Variants in ORC4 observed in about 807,000 individuals in gnomAD.
ORC4 encodes the protein origin recognition complex subunit 4, also known as origin recognition complex, subunit 4 homolog.
A neutral mutation model predicts 63.9 loss-of-function variants in ORC4; 55 were observed. The ratio of observed to expected loss-of-function variants is 0.86; its 90% CI spans 0.69 to 1.08. The LOEUF (loss-of-function observed/expected upper bound fraction) is 1.08, where lower values mean the gene tolerates loss of function less well. Ranked by LOEUF, ORC4 falls within the 50% of genes least tolerant of loss-of-function variation. The pLI, the probability that ORC4 is intolerant of heterozygous loss-of-function variation, is 0.00. For missense variants in ORC4, 511 were observed against 504.4 expected (o/e 1.01, Z -0.13); for synonymous variants, 150 against 168.5 (o/e 0.89, Z 0.85).
chr2:147,935,569 AT>A lies in ORC4; in HGVS notation c.1251del (p.Lys417AsnfsTer9). The A allele has an allele frequency of 6.2e-7, 1 of 1,613,912 alleles. No individual in the cohort carries two copies. Among genetic ancestry groups the A allele is most frequent in the East Asian group, 2.2e-5 (1 of 44,848 alleles). ...CTCACATCTGTAGGACAGTTGGGAT[AT>A]TTCTGCAGAGCATTCATAATTTGAG... ...DNTQIMNALQ[K>X]YPNCPTDVRQ... On this transcript the variant is annotated frameshift_variant, in exon 14 of 14. Coordinates refer to ENST00000392857, the MANE Select transcript of ORC4 (RefSeq NM_181741.4). LOFTEE classifies it high-confidence loss of function.
At chr2:147,954,405 C>A (rs1689133663) in intron 7 of ORC4, among the ~76,000 whole-genome samples, 1 of 152,136 alleles carries the variant, frequency 6.6e-6, no homozygotes, top group Non-Finnish European at 1.5e-5. Flanking sequence ...CTACTAGACA[C>A]CTAGGCTATA....
chr2:148,014,505 A>T (rs1035494316), intron 1 of ORC4, among the ~76,000 whole-genome samples: 1 of 152,198 alleles, frequency 6.6e-6, no homozygotes, highest in South Asian at 2.1e-4. Flanking sequence ...TTTTTTAAAT[A>T]CAACTGGTAC....
chr2:147,957,395 G>A (rs1689324484), intron 6 of ORC4, among the ~76,000 whole-genome samples: 1 of 151,782 alleles, frequency 6.6e-6, no homozygotes. Context: ...CGATGCCACC[G>A]CATGGTCACC....
chr2:147,980,696 C>CA (rs942343690), intron 1 of ORC4, among the ~76,000 whole-genome samples: 2 of 151,700 alleles, frequency 1.3e-5, no homozygotes, highest in African/African-American at 2.4e-5. Context: ...AGGCTATTGT[C>CA]AAAAAAAGGC....
At chr2:147,944,008 G>A (rs1040947152) in intron 9 of ORC4, among the ~76,000 whole-genome samples, 11 of 152,112 alleles carry the variant, frequency 7.2e-5, no homozygotes, top group Admixed American at 2.0e-4. Context: ...GAGTAGTCAC[G>A]TACTGGAGTT....
At chr2:147,991,019 C>T (rs1004824781) in intron 1 of ORC4, among the ~76,000 whole-genome samples, 1 of 151,488 alleles carries the variant, frequency 6.6e-6, no homozygotes, top group Non-Finnish European at 1.5e-5. Flanking sequence ...TATATACACA[C>T]ATATGAATAT....
chr2:147,954,269 C>A (rs540663059), intron 7 of ORC4, among the ~76,000 whole-genome samples: 1 of 152,110 alleles, frequency 6.6e-6, no homozygotes, highest in African/African-American at 2.4e-5. Flanking sequence ...GGTCAAAGAC[C>A]CAACAGGAAA....
chr2:147,935,454 T>C lies in ORC4; in HGVS notation c.*56A>G, dbSNP rs912403300. 2.3e-6 allele frequency: 3 copies of C among 1,306,966 alleles called. No individual in the cohort carries two copies. The highest frequency in any genetic ancestry group is 3.3e-6 in the Non-Finnish European group (3 of 901,576). 81.0% of individuals were successfully genotyped at this position (1,306,966 alleles called of 1,614,324 possible). A position where few individuals can be genotyped will look rare whatever the true frequency, so the allele number is the denominator to read the frequency against. On this transcript the variant is annotated 3_prime_UTR_variant, in exon 14 of 14. Transcript: ENST00000392857. ...CATATCATGTTAATGGACAATAGTT[T>C]TCCGTTCTCTACAGAAGTATGAATG...
In ORC4 at chr2:147,943,455, C is replaced by T. The variant is rs548305563; in HGVS notation, c.830G>A (p.Arg277Gln). The change falls in exon 10 of 14, where the codon CGG (arginine) becomes CAG (glutamine). Residue 277 changes from arginine (R) to glutamine (Q), a missense_variant. Coordinates refer to ENST00000392857, the MANE Select transcript of ORC4 (RefSeq NM_181741.4). ...ACAAACCAATAGCATGTGTAATGAC[C>T]GCAGGTTTTTGCTGATATTGAAATG... is the stretch of plus-strand genomic sequence containing the variant. ...QKHFNISKNL[R>Q]SLHMLLMLAL... The T allele has an allele frequency of 3.1e-5, 49 of 1,600,502 alleles. No homozygotes were observed. In the Middle Eastern group the frequency reaches 5.0e-4, roughly 16 times the overall value.
chr2:147,970,858 G>C (rs954783277), intron 4 of ORC4, among the ~76,000 whole-genome samples: 1 of 152,072 alleles, frequency 6.6e-6, no homozygotes, highest in African/African-American at 2.4e-5. Flanking sequence ...ACTTCAGTTG[G>C]GCACAGTGGC....
chr2:148,008,127 A>G (rs1008849841), intron 1 of ORC4, among the ~76,000 whole-genome samples: 12 of 152,226 alleles, frequency 7.9e-5, no homozygotes, highest in African/African-American at 2.7e-4. Context: ...CATCAACACC[A>G]GACTCATCTT....
At chr2:148,016,177 C>A (rs933718465) in intron 1 of ORC4, among the ~76,000 whole-genome samples, 5 of 152,164 alleles carry the variant, frequency 3.3e-5, no homozygotes, top group African/African-American at 1.2e-4. Context: ...CAACAACGAA[C>A]CATTTCTCAA....
intron 2 of ORC4, among the ~76,000 whole-genome samples, chr2:147,975,486 G>T (rs749488578): frequency 3.5e-4 from 40 of 114,620 alleles, no homozygotes; most frequent in Non-Finnish European, 5.3e-4. Flanking sequence ...TTCAAGCCAG[G>T]GCAATTAGGC....
At chr2:147,982,844 T>C (rs1690970396) in intron 1 of ORC4, among the ~76,000 whole-genome samples, 4 of 152,024 alleles carry the variant, frequency 2.6e-5, no homozygotes, top group Admixed American at 2.6e-4. Context: ...AAACCACATA[T>C]CTGACAAAAG....
intron 7 of ORC4, among the ~76,000 whole-genome samples, chr2:147,952,740 G>A (rs1044394145): frequency 2.6e-5 from 4 of 152,194 alleles, no homozygotes; most frequent in Non-Finnish European, 5.9e-5. Context: ...AAGAAGTTCA[G>A]TCTAGGCTGG....
rs546043414 is a variant in ORC4, at chr2:147,975,750, C to T, written c.57+152G>A. ...TGTTCTTACGACCTTGTGCTGGCAT[C>T]TCGTTAAGGTCTCGTACTGATATCT... is the stretch of plus-strand genomic sequence containing the variant. On this transcript the variant is annotated intron_variant, in intron 2 of 13. Transcript: ENST00000392857. The T allele has an allele frequency of 9.1e-4, 549 of 603,160 alleles. 8 individuals carry two copies. The South Asian group carries it at 0.011, about 12-fold the overall frequency. The allele number at this position is 603,160 out of a possible 1,614,324, so 37.4% of individuals were successfully genotyped here. A position where few individuals can be genotyped will look rare whatever the true frequency, so the allele number is the denominator to read the frequency against.
chr2:147,979,489 A>G (rs1187263637), intron 1 of ORC4, among the ~76,000 whole-genome samples: 7 of 152,198 alleles, frequency 4.6e-5, no homozygotes. Context: ...GAAAGAATCA[A>G]TGTTATTAAA....
intron 1 of ORC4, among the ~76,000 whole-genome samples, chr2:147,999,002 G>A (rs1692142633): frequency 6.6e-6 from 1 of 152,154 alleles, no homozygotes; most frequent in African/African-American, 2.4e-5. Context: ...TTCAACTCAT[G>A]TCTTATTTTT....
intron 4 of ORC4, among the ~76,000 whole-genome samples, chr2:147,964,498 G>T (rs1393815380): frequency 3.3e-5 from 5 of 152,100 alleles, no homozygotes; most frequent in Non-Finnish European, 7.4e-5. Flanking sequence ...GAGGAGAAAA[G>T]AAGGAAAAGG....
Sources: gnomAD v4.1 joint callset for allele counts (sites outside exome capture counted in the v4.1 genomes callset) on GRCh38, gnomAD v4.1.1 for gene constraint, MANE v1.5 for transcripts, NCBI Gene and HGNC (gene_info 2026-07-23, HGNC 2026-07-21) for gene names.